Variants in CMKLR1 observed in about 807,000 individuals in gnomAD.
CMKLR1 encodes chemerin chemokine-like receptor 1.
Under a neutral mutation model 8.2 loss-of-function variants are expected in CMKLR1, and 6 were observed. The ratio of observed to expected loss-of-function variants is 0.73; its 90% CI spans 0.40 to 1.44. The LOEUF (loss-of-function observed/expected upper bound fraction) is 1.44, where lower values mean the gene tolerates loss of function less well. CMKLR1 is among the 40% of genes most tolerant of loss of function. The pLI is 0.02. For synonymous variants in CMKLR1, 178 were observed against 181.2 expected (o/e 0.98, Z 0.14); for missense variants, 429 against 478.0 (o/e 0.90, Z 0.96).
intron 2 of CMKLR1, among the ~76,000 whole-genome samples, chr12:108,310,729 G>A (rs1377350148): frequency 6.6e-6 from 1 of 152,146 alleles, no homozygotes; most frequent in Non-Finnish European, 1.5e-5. Flanking sequence ...CCTGGGGGCT[G>A]GGAGCCATCT....
intron 2 of CMKLR1, among the ~76,000 whole-genome samples, chr12:108,313,166 T>C (rs1409312145): frequency 6.6e-6 from 1 of 152,130 alleles, no homozygotes; most frequent in Non-Finnish European, 1.5e-5. Context: ...AGGGGCAGGC[T>C]GCCCTTCCTT....
rs1890925320 is a variant in CMKLR1, at chr12:108,290,258, G to A, written c.*1583C>T. 6.6e-6 allele frequency: 1 copy of A among 152,178 alleles called. No homozygotes were observed. Among genetic ancestry groups the A allele is most frequent in the African/African-American group, 2.4e-5 (1 of 41,438 alleles). The allele number at this position is 152,178 out of a possible 1,614,324, so 9.4% of individuals were successfully genotyped here. On this transcript the variant is annotated 3_prime_UTR_variant, in exon 4 of 4. Coordinates refer to ENST00000550402, the MANE Select transcript of CMKLR1 (RefSeq NM_001142343.2). ...TTTTTAAGTCCTTCCCAACTCTGCA[G>A]CCTCATTTGAGCCAGGCAAACTGAA...
Position 108,292,075 on chromosome 12 carries a change from C to A in CMKLR1, c.888G>T (p.Leu296=), listed in dbSNP as rs1433632638. The A allele has an allele frequency of 6.2e-7, 1 of 1,614,058 alleles. No homozygotes were observed. Among genetic ancestry groups the A allele is most frequent in the African/African-American group, 1.3e-5 (1 of 74,928 alleles). ...CAAGGGCAGTGGCCAGGGGCAAACC[C>A]AGGCTGAAGACAGAGCCAGGCATGG... ...HTAMPGSVFS[L]GLPLATALAI... The change falls in exon 4 of 4, where the codon CTG becomes CTT. Residue 296 remains leucine, a synonymous_variant. Transcript: ENST00000550402.
At chr12:108,334,288 C>T (rs1892172336) in intron 1 of CMKLR1, among the ~76,000 whole-genome samples, 1 of 152,244 alleles carries the variant, frequency 6.6e-6, no homozygotes, top group Admixed American at 6.5e-5. Flanking sequence ...AGACAGGAAG[C>T]AGGTCTGATT....
intron 2 of CMKLR1, among the ~76,000 whole-genome samples, chr12:108,298,112 T>C (rs1411009085): frequency 6.6e-6 from 1 of 152,192 alleles, no homozygotes; most frequent in East Asian, 1.9e-4. Context: ...ATTTCCCTTT[T>C]TGATGTGACC....
At chr12:108,299,596 T>G (rs1181899215) in intron 2 of CMKLR1, among the ~76,000 whole-genome samples, 1 of 152,160 alleles carries the variant, frequency 6.6e-6, no homozygotes, top group South Asian at 2.1e-4. Flanking sequence ...AAGGATCTCA[T>G]GATGAGATCA....
chr12:108,332,546 C>A (rs1892134344), intron 1 of CMKLR1, among the ~76,000 whole-genome samples: 1 of 152,156 alleles, frequency 6.6e-6, no homozygotes. Flanking sequence ...CTTCCAGAGA[C>A]TATAAAGCAG....
At chr12:108,314,264 A>T (rs1006261770) in intron 2 of CMKLR1, among the ~76,000 whole-genome samples, 1 of 152,184 alleles carries the variant, frequency 6.6e-6, no homozygotes. Flanking sequence ...GTTCCTAGAC[A>T]CTGACAGTGG....
intron 2 of CMKLR1, among the ~76,000 whole-genome samples, chr12:108,313,245 C>A (rs1033807691): frequency 6.6e-6 from 1 of 152,146 alleles, no homozygotes; most frequent in African/African-American, 2.4e-5. Context: ...AGGGGTCTTG[C>A]TGGAAAAATT....
intron 1 of CMKLR1, among the ~76,000 whole-genome samples, chr12:108,331,859 C>T (rs1892116651): frequency 6.6e-6 from 1 of 152,156 alleles, no homozygotes; most frequent in Non-Finnish European, 1.5e-5. Flanking sequence ...GGAAGAGATG[C>T]AATCTTTGAT....
At chr12:108,306,529 G>A (rs771852709) in intron 2 of CMKLR1, among the ~76,000 whole-genome samples, 5 of 151,964 alleles carry the variant, frequency 3.3e-5, no homozygotes, top group Non-Finnish European at 7.4e-5. Flanking sequence ...TCACAGCTGT[G>A]AGCATCACCT....
chr12:108,329,771 A>G (rs1268757504), intron 2 of CMKLR1, among the ~76,000 whole-genome samples: 1 of 152,222 alleles, frequency 6.6e-6, no homozygotes, highest in Non-Finnish European at 1.5e-5. Context: ...CCATGCTCCT[A>G]GCACACAGTT....
intron 2 of CMKLR1, among the ~76,000 whole-genome samples, chr12:108,302,532 C>A (rs980721194): frequency 1.4e-5 from 2 of 144,304 alleles, no homozygotes; most frequent in Non-Finnish European, 3.1e-5. Context: ...CATCCCACAG[C>A]GTCCTACAGA....
At chr12:108,317,952 A>C (rs916820451) in intron 2 of CMKLR1, 2 of 152,242 alleles carry the variant, frequency 1.3e-5, no homozygotes, top group African/African-American at 4.8e-5. Context: ...CATTTTGCAT[A>C]AACGGAAGTA....
intron 2 of CMKLR1, among the ~76,000 whole-genome samples, chr12:108,311,486 G>A (rs756450571): frequency 6.6e-6 from 1 of 152,176 alleles, no homozygotes; most frequent in African/African-American, 2.4e-5. Context: ...TTAGCCAAGT[G>A]TGGTGACACA....
chr12:108,297,302 C>G (rs1488654926), intron 2 of CMKLR1, among the ~76,000 whole-genome samples: 3 of 152,162 alleles, frequency 2.0e-5, no homozygotes, highest in Non-Finnish European at 4.4e-5. Flanking sequence ...CTCTAGCTTA[C>G]TTGATTGTAT....
In CMKLR1 at chr12:108,288,764, C is replaced by T. The variant is rs1213667870; in HGVS notation, c.*3077G>A. 6.6e-6 allele frequency: 1 copy of T among 151,958 alleles called. No homozygotes were observed. Among genetic ancestry groups the T allele is most frequent in the East Asian group, 1.9e-4 (1 of 5,172 alleles). 9.4% of individuals were successfully genotyped at this position (151,958 alleles called of 1,614,324 possible). ...CCTCCCACTCTTTGGACTTCCATTC[C>T]TCTCCCCTTCTCTCTTCTTTCTTTC... On this transcript the variant is annotated 3_prime_UTR_variant, in exon 4 of 4. Transcript: ENST00000550402.
At chr12:108,315,479 G>T (rs573470651) in intron 2 of CMKLR1, among the ~76,000 whole-genome samples, 1 of 152,170 alleles carries the variant, frequency 6.6e-6, no homozygotes, top group East Asian at 1.9e-4. Flanking sequence ...CCCTCCTCTG[G>T]CCTAGAAGCT....
chr12:108,326,607 G>A (rs1172353239), intron 2 of CMKLR1, among the ~76,000 whole-genome samples: 1 of 152,208 alleles, frequency 6.6e-6, no homozygotes, highest in Admixed American at 6.5e-5. Context: ...AATCACAGGG[G>A]AGGATTCATG....
Sources: allele counts gnomAD v4.1 joint callset (sites outside exome capture counted in the v4.1 genomes callset), GRCh38; gene constraint gnomAD v4.1.1; transcripts MANE v1.5; gene names NCBI Gene and HGNC (gene_info 2026-07-23, HGNC 2026-07-21).